The following TNFSF12 variants were observed in gnomAD, a reference collection of about 807,000 sequenced individuals.
TNFSF12 encodes the protein tumor necrosis factor ligand superfamily member 12.
In TNFSF12, 16 loss-of-function variants were observed where a neutral mutation model predicts 31.2. The ratio of observed to expected loss-of-function variants is 0.51; its 90% CI spans 0.35 to 0.78. The LOEUF (loss-of-function observed/expected upper bound fraction) is 0.78, where lower values mean the gene tolerates loss of function less well. TNFSF12 is among the 30% of genes least tolerant of loss of function. The pLI, the probability that TNFSF12 is intolerant of heterozygous loss-of-function variation, is 0.01. For missense variants in TNFSF12, 324 were observed against 338.8 expected (o/e 0.96, Z 0.34); for synonymous variants, 150 against 151.4 (o/e 0.99, Z 0.07).
At position 7,557,280 on chromosome 17, in the gene TNFSF12, G is replaced by A. The variant is rs758038102; in HGVS notation, c.680G>A (p.Arg227His). Residue 227 changes from arginine to histidine, a missense_variant, in exon 7 of 7, where the codon CGC becomes CAC. Arg to His is a conservative substitution (Grantham distance 29, BLOSUM62 0). Coordinates refer to ENST00000293825, the MANE Select transcript of TNFSF12 (RefSeq NM_003809.3). The surrounding 1 kb of genome is among the most constrained non-coding windows in gnomAD (Gnocchi z 5.2). Reference sequence around the variant, plus strand: ...CGGCCAGGGTCCTCCCTGCGGATCCGCACCCTCCCCTGGGCCCATCTCAAG... The same window carrying A: ...CGGCCAGGGTCCTCCCTGCGGATCCACACCCTCCCCTGGGCCCATCTCAAG... The part of the protein sequence containing the change: ...ALRPGSSLRI[R>H]TLPWAHLKAA... The A allele has an allele frequency of 3.4e-5, 55 of 1,613,656 alleles. No individual in the cohort carries two copies. The East Asian group carries it at 1.1e-3, about 31-fold the overall frequency.
chr17:7,557,265 C>A lies in TNFSF12; in HGVS notation c.665C>A (p.Ser222Tyr). The A allele has an allele frequency of 6.2e-7, 1 of 1,613,862 alleles. No individual in the cohort carries two copies. Among genetic ancestry groups the A allele is most frequent in the Non-Finnish European group, 8.5e-7 (1 of 1,179,974 alleles). The part of the protein sequence containing the change: ...VSGLLALRPG[S>Y]SLRIRTLPWA... ...GGGCTGTTGGCCCTGCGGCCAGGGT[C>A]CTCCCTGCGGATCCGCACCCTCCCC... The change falls in exon 7 of 7, where the codon TCC becomes TAC. Residue 222 changes from serine to tyrosine, a missense_variant. Physicochemically the swap from Ser to Tyr is moderately radical, Grantham distance 144. Transcript: ENST00000293825. This position sits in a 1 kb window ranked among gnomAD's most constrained non-coding sequence, Gnocchi z 5.2.
In TNFSF12 at chr17:7,549,595, G is replaced by A; in HGVS notation, c.207+74G>A. ...TGCACAGCCGAGGCTGCAGGTGTGT[G>A]CAGCTGTGCCAGCCGTACTCGAGGT... On this transcript the variant is annotated intron_variant, in intron 2 of 6. Coordinates refer to ENST00000293825, the MANE Select transcript of TNFSF12 (RefSeq NM_003809.3). This position sits in a 1 kb window ranked among gnomAD's most constrained non-coding sequence, Gnocchi z 4.1. 1 of 1,457,716 alleles carries A rather than the reference G, an allele frequency of 6.9e-7. No individual in the cohort carries two copies. Among genetic ancestry groups the A allele is most frequent in the Non-Finnish European group, 9.1e-7 (1 of 1,098,994 alleles). The allele number at this position is 1,457,716 out of a possible 1,614,324, so 90.3% of individuals were successfully genotyped here. A position where few individuals can be genotyped will look rare whatever the true frequency, so the allele number is the denominator to read the frequency against.
At chr17:7,551,819 G>A (rs1023922342) in intron 5 of TNFSF12, among the ~76,000 whole-genome samples, 1 of 152,152 alleles carries the variant, frequency 6.6e-6, no homozygotes, top group Non-Finnish European at 1.5e-5. Flanking sequence ...AGACAGTCTC[G>A]CTCTGTCACC....
chr17:7,554,681 G>A (rs1298556455), intron 5 of TNFSF12, among the ~76,000 whole-genome samples: 4 of 146,760 alleles, frequency 2.7e-5, no homozygotes, highest in South Asian at 4.4e-4. Flanking sequence ...GTGCAGTGGC[G>A]CCATCTCGGC....
Position 7,556,784 on chromosome 17 carries a change from A to C in TNFSF12, c.380A>C (p.Asp127Ala). ...PGQDGAQAGV[D>A]GTVSGWEEAR... ...TCTGAGCATCCGTGTTCAGGTGTGG[A>C]CGGGACAGTGAGTGGCTGGGAGGAA... The change falls in exon 6 of 7, where the codon GAC (aspartate) becomes GCC (alanine). Residue 127 changes from aspartate to alanine, a missense_variant. Asp to Ala is a moderately radical substitution (Grantham distance 126). Transcript: ENST00000293825. 1 of 1,528,706 alleles carries C rather than the reference A, an allele frequency of 6.5e-7. No homozygotes were observed. The highest frequency in any genetic ancestry group is 8.8e-7 in the Non-Finnish European group (1 of 1,136,796). 94.7% of individuals were successfully genotyped at this position (1,528,706 alleles called of 1,614,324 possible).
chr17:7,553,632 G>A, intron 5 of TNFSF12: 7 of 1,304,090 alleles, frequency 5.4e-6, no homozygotes, highest in Non-Finnish European at 5.1e-6. Context: ...ACTAAGTGGT[G>A]GAGCCAAGAT....
intron 5 of TNFSF12, among the ~76,000 whole-genome samples, chr17:7,554,307 CTTTTTTTT>C (rs67090485): frequency 0.021 from 1,509 of 73,128 alleles, 42 homozygotes; most frequent in African/African-American, 0.069. Context: ...TATCCAGACT[CTTTTTTTT>C]TTTTTTTTTT....
At position 7,550,443 on chromosome 17, in the gene TNFSF12, G is replaced by A. The variant is rs899585188; in HGVS notation, c.283+248G>A. On this transcript the variant is annotated intron_variant, in intron 3 of 6. Transcript: ENST00000293825. This position sits in a 1 kb window ranked among gnomAD's most constrained non-coding sequence, Gnocchi z 4.4. The stretch of plus-strand genomic sequence containing the variant: ...GAAGAACTACTGGGATCCTGATGGA[G>A]ACTAGGCCTGGCAGTCAGAGGCCTG... Among the ~76,000 whole-genome samples the A allele has an allele frequency of 6.6e-5, 10 of 152,224 alleles. No homozygotes were observed. The highest frequency in any genetic ancestry group is 2.2e-4 in the African/African-American group (9 of 41,456).
chr17:7,555,395 G>A (rs2071049304), intron 5 of TNFSF12, among the ~76,000 whole-genome samples: 1 of 152,138 alleles, frequency 6.6e-6, no homozygotes, highest in South Asian at 2.1e-4. Flanking sequence ...TGATGAGGCT[G>A]GGGGACTCTA....
At position 7,555,973 on chromosome 17, in the gene TNFSF12, G is replaced by GTTTTT. The variant is rs59248137; in HGVS notation, c.374-801_374-797dup. Among the ~76,000 whole-genome samples the GTTTTT allele has an allele frequency of 1.8e-3, 130 of 70,856 alleles. 14 individuals are homozygous for GTTTTT. The highest frequency in any genetic ancestry group is 2.7e-3 in the African/African-American group (48 of 17,522). 46.5% of individuals were successfully genotyped at this position (70,856 alleles called of 152,430 possible). On this transcript the variant is annotated intron_variant, in intron 5 of 6. Coordinates refer to ENST00000293825, the MANE Select transcript of TNFSF12 (RefSeq NM_003809.3). ...GTGGAAATAAAAATGCCCAGTGAGC[G>GTTTTT]TTTTTTTTGTTTTTTTTTTTTTTTG...
At chr17:7,554,833 C>T (rs12604057) in intron 5 of TNFSF12, among the ~76,000 whole-genome samples, 1 of 144,094 alleles carries the variant, frequency 6.9e-6, no homozygotes, top group Non-Finnish European at 1.5e-5. Flanking sequence ...TAGCCAGGAG[C>T]GTCTCGATCT....
rs2150909201 is a variant in TNFSF12 at position 7,556,926 on chromosome 17, G to T, written c.498+24G>T. 4 of 1,503,474 alleles carry T rather than the reference G, an allele frequency of 2.7e-6. No homozygotes were observed. The East Asian group carries it at 9.4e-5, about 35-fold the overall frequency. 93.1% of individuals were successfully genotyped at this position (1,503,474 alleles called of 1,614,324 possible). A position where few individuals can be genotyped will look rare whatever the true frequency, so the allele number is the denominator to read the frequency against. On this transcript the variant is annotated intron_variant, in intron 6 of 6. Coordinates refer to ENST00000293825, the MANE Select transcript of TNFSF12 (RefSeq NM_003809.3). ...AGGTAAGCCCCATCTGGCTGCATGG[G>T]TAACGCAGTAAGAGAGTGGCGAAGG...
rs1245003122 is a variant in TNFSF12, at chr17:7,550,683, G to T, written c.284-116G>T. 1 of 1,452,736 alleles carries T rather than the reference G, an allele frequency of 6.9e-7. No individual in the cohort carries two copies. Among genetic ancestry groups the T allele is most frequent in the African/African-American group, 1.4e-5 (1 of 70,618 alleles). The allele number at this position is 1,452,736 out of a possible 1,614,324, so 90.0% of individuals were successfully genotyped here. A position where few individuals can be genotyped will look rare whatever the true frequency, so the allele number is the denominator to read the frequency against. The stretch of plus-strand genomic sequence containing the variant: ...ATGAGGCCTGAGATTCTAAGGCCAG[G>T]AGTCTGGACAAGAATAAGGATGCCA... On this transcript the variant is annotated intron_variant, in intron 3 of 6. Transcript: ENST00000293825. The surrounding 1 kb of genome is among the most constrained non-coding windows in gnomAD (Gnocchi z 4.4).
At position 7,557,326 on chromosome 17, in the gene TNFSF12, C is replaced by T; in HGVS notation, c.726C>T (p.Tyr242=). 2 of 1,606,730 alleles carry T rather than the reference C, an allele frequency of 1.2e-6. No homozygotes were observed. The highest frequency in any genetic ancestry group is 2.2e-5 in the South Asian group (2 of 90,424). The change falls in exon 7 of 7, where the codon TAC becomes TAT. Residue 242 remains tyrosine (Y), a synonymous_variant. Transcript: ENST00000293825. The surrounding 1 kb of genome is among the most constrained non-coding windows in gnomAD (Gnocchi z 5.2). ...TCAAGGCTGCCCCCTTCCTCACCTACTTCGGACTCTTCCAGGTTCACTGAG... is the reference window on the plus strand; with the variant it reads ...TCAAGGCTGCCCCCTTCCTCACCTATTTCGGACTCTTCCAGGTTCACTGAG... The part of the protein sequence containing the change: ...AHLKAAPFLT[Y]FGLFQVH
Position 7,557,087 on chromosome 17 carries a change from TC to T in TNFSF12, c.499-8del, listed in dbSNP as rs1410537140. 2 of 1,603,954 alleles carry T rather than the reference TC, an allele frequency of 1.2e-6. No individual in the cohort carries two copies. The highest frequency in any genetic ancestry group is 1.7e-5 in the Admixed American group (1 of 59,582). ...GCAGAGGCCTGGACTCGGCCTGTTG[TC>T]CCCACCCCAGGTGCACTTTGATGAG... On this transcript the variant is annotated splice_polypyrimidine_tract_variant and intron_variant, in intron 6 of 6. Transcript: ENST00000293825. This position sits in a 1 kb window ranked among gnomAD's most constrained non-coding sequence, Gnocchi z 5.2.
chr17:7,552,348 G>A (rs2071009784), intron 5 of TNFSF12, among the ~76,000 whole-genome samples: 1 of 130,916 alleles, frequency 7.6e-6, no homozygotes, highest in Non-Finnish European at 1.6e-5. Context: ...TTTTTTTTGA[G>A]ACAGAGTCTC....
Position 7,557,509 on chromosome 17 carries a change from CATAA to C in TNFSF12, c.*163_*166del. On this transcript the variant is annotated 3_prime_UTR_variant, in exon 7 of 7. Transcript: ENST00000293825. The surrounding 1 kb of genome is among the most constrained non-coding windows in gnomAD (Gnocchi z 5.2). ...GCCTGTTCACGTGTTTTCCATCCCA[CATAA>C]ATACAGTATTCCCACTCTTATCTTA... is the stretch of plus-strand genomic sequence containing the variant. 5.0e-6 allele frequency: 5 copies of C among 997,804 alleles called. No homozygotes were observed. The highest frequency in any genetic ancestry group is 7.1e-6 in the Non-Finnish European group (5 of 704,242). 61.8% of individuals were successfully genotyped at this position (997,804 alleles called of 1,614,324 possible).
Position 7,550,077 on chromosome 17 carries a change from A to AG in TNFSF12, c.208-43_208-42insG, listed in dbSNP as rs778018512. The AG allele has an allele frequency of 3.7e-6, 6 of 1,613,840 alleles. No individual in the cohort carries two copies. On this transcript the variant is annotated intron_variant, in intron 2 of 6. Coordinates refer to ENST00000293825, the MANE Select transcript of TNFSF12 (RefSeq NM_003809.3). The surrounding 1 kb of genome is among the most constrained non-coding windows in gnomAD (Gnocchi z 4.4). The stretch of plus-strand genomic sequence containing the variant: ...ACAGGCCCCGTATGTCTCACTTTAT[A>AG]TCTCTGGGAGTCTGTGGTTGAACCC...
Position 7,557,153 on chromosome 17 carries a change from G to A in TNFSF12, c.553G>A (p.Gly185Ser), listed in dbSNP as rs1223380895. Residue 185 changes from glycine (G) to serine (S), a missense_variant, in exon 7 of 7, where the codon GGT becomes AGT. By Grantham distance (56) the Gly-to-Ser change is moderately conservative. Transcript: ENST00000293825. This position sits in a 1 kb window ranked among gnomAD's most constrained non-coding sequence, Gnocchi z 5.2. ...CCTGAAGCTGGACTTGCTGGTGGAT[G>A]GTGTGCTGGCCCTGCGCTGCCTGGA... ...VYLKLDLLVD[G>S]VLALRCLEEF... 1 of 1,613,888 alleles carries A rather than the reference G, an allele frequency of 6.2e-7. No homozygotes were observed. The highest frequency in any genetic ancestry group is 8.5e-7 in the Non-Finnish European group (1 of 1,179,990).
Sources: allele counts gnomAD v4.1 joint callset (sites outside exome capture counted in the v4.1 genomes callset), GRCh38; gene constraint gnomAD v4.1.1; non-coding constraint Gnocchi (gnomAD v3.1); transcripts MANE v1.5; gene names NCBI Gene and HGNC (gene_info 2026-07-23, HGNC 2026-07-21).